EYS: variants seen among roughly 807,000 people sequenced by gnomAD.
EYS encodes EGF-like photoreceptor maintenance factor, also known as protein eyes shut homolog.
A neutral mutation model predicts 282.1 loss-of-function variants in EYS; 250 were observed. The ratio of observed to expected loss-of-function variants is 0.89; its 90% CI spans 0.80 to 0.98. The LOEUF (loss-of-function observed/expected upper bound fraction) is 0.98, where lower values mean the gene tolerates loss of function less well. Ranked by LOEUF, EYS falls within the 50% of genes least tolerant of loss-of-function variation. The pLI, the probability that EYS is intolerant of heterozygous loss-of-function variation, is 0.00. For synonymous variants in EYS, 1,355 were observed against 1,282.9 expected, an observed-to-expected ratio of 1.06 and a Z score of -1.20; for missense variants, 4,016 against 3,709.0, an observed-to-expected ratio of 1.08 and a Z score of -2.15.
At chr6:64,072,569 C>T (rs572887947) in intron 32 of EYS, among the ~76,000 whole-genome samples, 2 of 151,882 alleles carry the variant, frequency 1.3e-5, no homozygotes, top group South Asian at 2.1e-4. Flanking sequence ...CACAAAACTG[C>T]ACCAGCACTT....
chr6:64,983,298 C>A (rs1388953635), intron 14 of EYS, among the ~76,000 whole-genome samples: 1 of 151,008 alleles, frequency 6.6e-6, no homozygotes, highest in Non-Finnish European at 1.5e-5. Flanking sequence ...CAGTAGAGTG[C>A]ACTTCTTATC....
At chr6:64,704,975 C>T (rs189423337) in intron 22 of EYS, among the ~76,000 whole-genome samples, 106 of 151,904 alleles carry the variant, frequency 7.0e-4, no homozygotes, top group African/African-American at 2.5e-3. Flanking sequence ...AAGTCCTAGC[C>T]AGAGCAATCA....
At chr6:63,859,018 A>G (rs897254032) in intron 36 of EYS, among the ~76,000 whole-genome samples, 13 of 145,086 alleles carry the variant, frequency 9.0e-5, no homozygotes, top group African/African-American at 3.1e-4. Context: ...GAGTGTCACC[A>G]TCTTAGAAAA....
intron 14 of EYS, among the ~76,000 whole-genome samples, chr6:64,991,923 T>G (rs970709441): frequency 6.6e-6 from 1 of 151,818 alleles, no homozygotes; most frequent in Non-Finnish European, 1.5e-5. Context: ...TCTCTGTGCT[T>G]TACTCAGAAT....
In EYS at chr6:64,374,002, T is replaced by A. The variant is rs182280562; in HGVS notation, c.6078+14688A>T. 2.6e-5 allele frequency among the ~76,000 whole-genome samples: 4 copies of A among 151,928 alleles called. No homozygotes were observed. In the East Asian group the frequency reaches 5.8e-4, roughly 22 times the overall value. ...GGGGATGCCTGCCCTTCCAGGTGCT[T>A]CTAGCTGCACTCTCCAGTTGAGTTC... On this transcript the variant is annotated intron_variant, in intron 29 of 42. Transcript: ENST00000503581.
chr6:63,799,965 A>G (rs1484859804), intron 37 of EYS, among the ~76,000 whole-genome samples: 2 of 152,226 alleles, frequency 1.3e-5, no homozygotes, highest in African/African-American at 4.8e-5. Context: ...CTGGTTGTTT[A>G]TGCACTGTTG....
At chr6:63,816,304 T>G (rs1473860150) in intron 36 of EYS, among the ~76,000 whole-genome samples, 3 of 152,168 alleles carry the variant, frequency 2.0e-5, no homozygotes, top group Admixed American at 2.0e-4. Flanking sequence ...ATTATAGAAC[T>G]ACAAAAGATG....
intron 7 of EYS, among the ~76,000 whole-genome samples, chr6:65,385,585 A>G (rs1264474693): frequency 6.6e-6 from 1 of 151,958 alleles, no homozygotes; most frequent in Non-Finnish European, 1.5e-5. Context: ...TAAGTTGTGA[A>G]ATACATTATT....
intron 22 of EYS, among the ~76,000 whole-genome samples, chr6:64,680,834 G>A (rs569153446): frequency 6.6e-6 from 1 of 152,132 alleles, no homozygotes; most frequent in Admixed American, 6.5e-5. Flanking sequence ...TTTGCCCCGG[G>A]GAAAACACAG....
chr6:65,620,391 G>A (rs150678376), intron 2 of EYS, among the ~76,000 whole-genome samples: 6,528 of 151,646 alleles, frequency 0.043, 427 homozygotes, highest in African/African-American at 0.14. Flanking sequence ...GTGTGGGATC[G>A]GTGGTGATAT....
At chr6:64,095,631 T>G (rs924474530) in intron 31 of EYS, among the ~76,000 whole-genome samples, 1 of 152,206 alleles carries the variant, frequency 6.6e-6, no homozygotes, top group African/African-American at 2.4e-5. Context: ...GTCCCTTTAT[T>G]TTGAGCCTAT....
chr6:63,770,946 G>T (rs957378729), intron 40 of EYS, among the ~76,000 whole-genome samples: 3 of 152,174 alleles, frequency 2.0e-5, no homozygotes, highest in African/African-American at 7.2e-5. Flanking sequence ...TTGCTGGTGA[G>T]ATACTCACCT....
At chr6:65,394,831 C>T (rs1766211545) in intron 7 of EYS, among the ~76,000 whole-genome samples, 2 of 152,074 alleles carry the variant, frequency 1.3e-5, no homozygotes, top group Non-Finnish European at 2.9e-5. Flanking sequence ...TCTCCCTCTT[C>T]TCTCACAGCC....
intron 31 of EYS, among the ~76,000 whole-genome samples, chr6:64,152,693 A>G (rs1260970926): frequency 6.6e-6 from 1 of 152,144 alleles, no homozygotes; most frequent in Non-Finnish European, 1.5e-5. Context: ...ACTTTGGAAA[A>G]GGCTATGATT....
At chr6:64,110,014 G>T (rs1773153658) in intron 31 of EYS, among the ~76,000 whole-genome samples, 1 of 152,062 alleles carries the variant, frequency 6.6e-6, no homozygotes. Context: ...CACAGCTAGA[G>T]ATTGCAAACA....
At chr6:64,662,257 T>C (rs989541385) in intron 22 of EYS, among the ~76,000 whole-genome samples, 1 of 136,780 alleles carries the variant, frequency 7.3e-6, no homozygotes, top group Non-Finnish European at 1.6e-5. Context: ...GGGGGAGGGA[T>C]AGCATTAGGA....
intron 19 of EYS, among the ~76,000 whole-genome samples, chr6:64,858,102 T>TAA (rs1766122947): frequency 6.6e-6 from 1 of 152,166 alleles, no homozygotes; most frequent in Admixed American, 6.5e-5. Context: ...TTTAGTTTGA[T>TAA]GCTATCTCAT....
chr6:64,130,533 G>C (rs1409634566), intron 31 of EYS, among the ~76,000 whole-genome samples: 1 of 151,934 alleles, frequency 6.6e-6, no homozygotes, highest in Admixed American at 6.6e-5. Context: ...GTTAAATGAC[G>C]AGTTAATGGG....
intron 26 of EYS, among the ~76,000 whole-genome samples, chr6:64,584,179 T>C (rs1046092478): frequency 2.0e-5 from 3 of 151,986 alleles, no homozygotes; most frequent in African/African-American, 7.2e-5. Flanking sequence ...AAGTATATAG[T>C]AATATGTAAA....
Sources: gnomAD v4.1 joint callset for allele counts (sites outside exome capture counted in the v4.1 genomes callset) on GRCh38, gnomAD v4.1.1 for gene constraint, MANE v1.5 for transcripts, NCBI Gene and HGNC (gene_info 2026-07-23, HGNC 2026-07-21) for gene names.